IQUB: variants seen among roughly 807,000 people sequenced by gnomAD.
The protein encoded by IQUB is IQ motif and ubiquitin domain containing.
IQUB carries 86 observed loss-of-function variants against 86.4 expected under a neutral mutation model. The ratio of observed to expected loss-of-function variants is 1.00; its 90% CI spans 0.84 to 1.19. The LOEUF (loss-of-function observed/expected upper bound fraction) is 1.19. Among genes scored for constraint, IQUB ranks in the 50% most tolerant of loss-of-function variants. The probability of loss-of-function intolerance (pLI) is 0.00; values close to 1 mark genes in which losing one functional copy is unlikely to be tolerated. For synonymous variants in IQUB, 289 were observed against 304.5 expected (o/e 0.95, Z 0.53); for missense variants, 946 against 916.9 (o/e 1.03, Z -0.41).
rs186264138 is a variant in IQUB, at chr7:123,527,061, C to T, written c.-5+7431G>A. On this transcript the variant is annotated intron_variant, in intron 1 of 12. Transcript: ENST00000324698. ...TCTGGCTTGTAGCCTTCATTTCATT[C>T]ATTTCATCTTCCATCGCTGATACCC... 1.9e-3 allele frequency among the ~76,000 whole-genome samples: 283 copies of T among 152,278 alleles called. 2 individuals are homozygous for T. Among genetic ancestry groups the T allele is most frequent in the African/African-American group, 6.5e-3 (270 of 41,546 alleles).
intron 6 of IQUB, among the ~76,000 whole-genome samples, chr7:123,498,283 G>A (rs1795792094): frequency 6.6e-6 from 1 of 152,002 alleles, no homozygotes; most frequent in Non-Finnish European, 1.5e-5. Context: ...AGAAACTCCT[G>A]GGTAAGCACA....
chr7:123,510,714 A>G (rs776297779), intron 2 of IQUB, among the ~76,000 whole-genome samples: 18 of 152,146 alleles, frequency 1.2e-4, no homozygotes, highest in Admixed American at 3.3e-4. Flanking sequence ...AGCTAAAAAT[A>G]AGACATTTAT....
rs756860233 is a variant in IQUB at position 123,457,530 on chromosome 7, C to A, written c.2044G>T (p.Ala682Ser). The change falls in exon 12 of 13, where the codon GCG (alanine) becomes TCG (serine). Residue 682 changes from alanine (A) to serine (S), a missense_variant. Coordinates refer to ENST00000324698, the MANE Select transcript of IQUB (RefSeq NM_178827.5). ...DIQYLTENIW[A>S]SQSVLSACDN... is the part of the protein sequence containing the mutation. ...CAAGCACTGAGGACTGACTGGGACG[C>A]CCAGATGTTCTCTGTCAGGTACTGA... 2 of 1,607,810 alleles carry A rather than the reference C, an allele frequency of 1.2e-6. No homozygotes were observed. Among genetic ancestry groups the A allele is most frequent in the African/African-American group, 2.7e-5 (2 of 74,328 alleles).
chr7:123,490,426 A>T (rs1178467568), intron 7 of IQUB, among the ~76,000 whole-genome samples: 1 of 152,182 alleles, frequency 6.6e-6, no homozygotes, highest in African/African-American at 2.4e-5. Flanking sequence ...AAAGACAAAT[A>T]GGAAAATTCA....
At position 123,511,988 on chromosome 7, in the gene IQUB, A is replaced by C; in HGVS notation, c.353T>G (p.Val118Gly). 1 of 1,611,224 alleles carries C rather than the reference A, an allele frequency of 6.2e-7. No individual in the cohort carries two copies. The highest frequency in any genetic ancestry group is 8.5e-7 in the Non-Finnish European group (1 of 1,177,580). Residue 118 changes from valine to glycine, a missense_variant, in exon 2 of 13, where the codon GTA (valine) becomes GGA (glycine). Transcript: ENST00000324698. Reference protein sequence around the residue: ...SLAFLDKIKSVKESLQESVED... With the variant: ...SLAFLDKIKSGKESLQESVED... ...CACTGATTCTTGCAAAGATTCCTTT[A>C]CAGACTTTATTTTATCCAGAAATGC...
At chr7:123,459,224 C>T (rs1793866859) in intron 11 of IQUB, among the ~76,000 whole-genome samples, 1 of 151,838 alleles carries the variant, frequency 6.6e-6, no homozygotes, top group Non-Finnish European at 1.5e-5. Context: ...TTACAATGCT[C>T]CCCTAGAATT....
At chr7:123,530,477 CAACACCAAAA>C (rs1207939689) in intron 1 of IQUB, among the ~76,000 whole-genome samples, 1 of 151,766 alleles carries the variant, frequency 6.6e-6, no homozygotes, top group African/African-American at 2.4e-5. Context: ...ACAACAACAA[CAACACCAAAA>C]AACCCTCCAA....
chr7:123,465,603 C>T (rs1267830182), intron 9 of IQUB, among the ~76,000 whole-genome samples: 2 of 151,794 alleles, frequency 1.3e-5, no homozygotes, highest in East Asian at 1.9e-4. Context: ...AAGTAACAAG[C>T]GATTAATGTA....
chr7:123,519,885 A>G (rs531047492), intron 1 of IQUB, among the ~76,000 whole-genome samples: 1 of 152,364 alleles, frequency 6.6e-6, no homozygotes, highest in African/African-American at 2.4e-5. Flanking sequence ...CGTATCAAAT[A>G]TCACAGTTGC....
rs1796034898 is a variant in IQUB, at chr7:123,503,337, G to C, written c.559C>G (p.Leu187Val). Residue 187 changes from leucine to valine, a missense_variant, in exon 4 of 13, where the codon CTA becomes GTA. By Grantham distance (32) the Leu-to-Val change is conservative. Transcript: ENST00000324698. ...SGKILKNNET[L>V]VQHGVKPQEI... ...TGTGGCTTAACTCCATGTTGTACTA[G>C]AGTCTCATTATTTTTAAGAATTTTT... The C allele has an allele frequency of 1.1e-5, 17 of 1,541,402 alleles. No homozygotes were observed. The East Asian group carries it at 3.9e-4, about 35-fold the overall frequency.
At chr7:123,472,896 C>T (rs987944897) in intron 8 of IQUB, among the ~76,000 whole-genome samples, 4 of 152,104 alleles carry the variant, frequency 2.6e-5, no homozygotes, top group African/African-American at 9.7e-5. Flanking sequence ...CAATCATGTA[C>T]TTAAATTGCT....
chr7:123,522,093 A>G (rs1329788116), intron 1 of IQUB, among the ~76,000 whole-genome samples: 1 of 152,118 alleles, frequency 6.6e-6, no homozygotes, highest in Non-Finnish European at 1.5e-5. Context: ...GGCCATGACC[A>G]CTGTTTACCC....
chr7:123,511,984 C>G lies in IQUB; in HGVS notation c.357G>C (p.Lys119Asn). The G allele has an allele frequency of 6.2e-7, 1 of 1,611,112 alleles. No homozygotes were observed. The highest frequency in any genetic ancestry group is 8.5e-7 in the Non-Finnish European group (1 of 1,177,626). The change falls in exon 2 of 13, where the codon AAG (lysine) becomes AAC (asparagine). Residue 119 changes from lysine (K) to asparagine (N), a missense_variant. Coordinates refer to ENST00000324698, the MANE Select transcript of IQUB (RefSeq NM_178827.5). The part of the protein sequence containing the change: ...LAFLDKIKSV[K>N]ESLQESVEDS... Reference sequence around the variant, plus strand: ...CTTCCACTGATTCTTGCAAAGATTCCTTTACAGACTTTATTTTATCCAGAA... The same window carrying G: ...CTTCCACTGATTCTTGCAAAGATTCGTTTACAGACTTTATTTTATCCAGAA...
chr7:123,504,191 T>TTTGGTG (rs1161435840), intron 3 of IQUB, among the ~76,000 whole-genome samples: 3 of 152,142 alleles, frequency 2.0e-5, no homozygotes, highest in African/African-American at 7.2e-5. Flanking sequence ...GGTTCATGCT[T>TTTGGTG]GTAATATCAG....
At chr7:123,484,052 C>T (rs1166735179) in intron 7 of IQUB, among the ~76,000 whole-genome samples, 1 of 152,020 alleles carries the variant, frequency 6.6e-6, no homozygotes, top group African/African-American at 2.4e-5. Context: ...GTATTTCTTT[C>T]TCTTCTCAAA....
chr7:123,461,309 C>A, intron 11 of IQUB, 48 bp downstream of exon 11: 1 of 1,541,322 alleles, frequency 6.5e-7, no homozygotes, highest in East Asian at 2.3e-5. Flanking sequence ...TGCAAGATAG[C>A]CTCCTTGACA....
chr7:123,521,778 CAT>C (rs970323693), intron 1 of IQUB, among the ~76,000 whole-genome samples: 5 of 152,078 alleles, frequency 3.3e-5, no homozygotes, highest in Middle Eastern at 3.4e-3. Context: ...CAAATAACTA[CAT>C]GTTTTCAAGA....
intron 3 of IQUB, among the ~76,000 whole-genome samples, chr7:123,505,135 C>A (rs1796119829): frequency 6.6e-6 from 1 of 152,184 alleles, no homozygotes; most frequent in Non-Finnish European, 1.5e-5. Flanking sequence ...CACGTACAGG[C>A]CACAGTGATG....
At chr7:123,490,390 C>T (rs1795404794) in intron 7 of IQUB, among the ~76,000 whole-genome samples, 1 of 152,034 alleles carries the variant, frequency 6.6e-6, no homozygotes, top group African/African-American at 2.4e-5. Context: ...TTTCACAATA[C>T]ATGAAGCAAA....
Sources: allele counts gnomAD v4.1 joint callset (sites outside exome capture counted in the v4.1 genomes callset), GRCh38; gene constraint gnomAD v4.1.1; transcripts MANE v1.5; gene names NCBI Gene and HGNC (gene_info 2026-07-23, HGNC 2026-07-21).